Variants in ILDR2 observed in about 807,000 individuals in gnomAD.
The protein encoded by ILDR2 is immunoglobulin like domain containing receptor 2.
Under a neutral mutation model 66.8 loss-of-function variants are expected in ILDR2, and 25 were observed. The observed-to-expected ratio is 0.37, with a 90% CI of 0.27 to 0.52. The LOEUF (loss-of-function observed/expected upper bound fraction) is 0.52, where lower values mean the gene tolerates loss of function less well. ILDR2 is among the 20% of genes least tolerant of loss of function. The pLI, the probability that ILDR2 is intolerant of heterozygous loss-of-function variation, is 0.88. For synonymous variants in ILDR2, 367 were observed against 357.2 expected, an observed-to-expected ratio of 1.03 and a Z score of -0.31; for missense variants, 827 against 876.8, an observed-to-expected ratio of 0.94 and a Z score of 0.72.
At chr1:166,975,153 G>A (rs906542364) in intron 1 of ILDR2, 70 bp downstream of exon 1, 2 of 1,315,170 alleles carry the variant, frequency 1.5e-6, no homozygotes, top group African/African-American at 2.9e-5. Context: ...GGGGGGCGGG[G>A]GGCGCGGTGA....
chr1:166,954,846 C>T (rs550716826), intron 3 of ILDR2, among the ~76,000 whole-genome samples: 1 of 152,316 alleles, frequency 6.6e-6, no homozygotes, highest in Non-Finnish European at 1.5e-5. Context: ...AACACATCCT[C>T]AGATGACAAA....
At chr1:166,953,350 C>G (rs1034466345) in intron 3 of ILDR2, among the ~76,000 whole-genome samples, 6 of 152,218 alleles carry the variant, frequency 3.9e-5, no homozygotes, top group Admixed American at 3.9e-4. Context: ...TAAGATACTT[C>G]ACAATCTTGC....
At chr1:166,948,961 A>G (rs1202822741) in intron 3 of ILDR2, among the ~76,000 whole-genome samples, 1 of 152,178 alleles carries the variant, frequency 6.6e-6, no homozygotes, top group East Asian at 1.9e-4. Context: ...AGCTAAGGAA[A>G]CCCATGCTCA....
intron 6 of ILDR2, among the ~76,000 whole-genome samples, chr1:166,929,774 T>C (rs1660523681): frequency 6.6e-6 from 1 of 152,194 alleles, no homozygotes; most frequent in South Asian, 2.1e-4. Flanking sequence ...AGAAACCATA[T>C]TATAAGAGAC....
chr1:166,933,513 A>G (rs1278086778), intron 6 of ILDR2: 2 of 974,518 alleles, frequency 2.1e-6, no homozygotes, highest in African/African-American at 3.5e-5. Context: ...TTTCTATTTT[A>G]ATGCCACTTC....
intron 9 of ILDR2, 23 bp from the exon 10 acceptor site, chr1:166,919,413 C>A: frequency 6.3e-7 from 1 of 1,597,218 alleles, no homozygotes; most frequent in Non-Finnish European, 8.6e-7. Flanking sequence ...AGAAAGAGCC[C>A]AACATTAAGC....
At chr1:166,971,496 T>G (rs1027600272) in intron 1 of ILDR2, among the ~76,000 whole-genome samples, 3 of 152,196 alleles carry the variant, frequency 2.0e-5, no homozygotes, top group Admixed American at 1.3e-4. Flanking sequence ...GGTCTCACTC[T>G]GTCACCCAGG....
chr1:166,927,387 A>C (rs1044579048), intron 6 of ILDR2, among the ~76,000 whole-genome samples: 3 of 152,238 alleles, frequency 2.0e-5, no homozygotes, highest in Non-Finnish European at 1.5e-5. Context: ...GGAGGACCTA[A>C]AGGTCAACAA....
In ILDR2 at chr1:166,914,407, T is replaced by A. The variant is rs1659566755; in HGVS notation, c.*4948A>T. On this transcript the variant is annotated 3_prime_UTR_variant, in exon 10 of 10. Transcript: ENST00000271417. ...CACCAGACAAGACAGTCAGAAGGCC[T>A]GGCTTTATAATTTTAAAAACCATTT... The A allele has an allele frequency of 6.6e-6, 1 of 152,240 alleles. No individual in the cohort carries two copies. The highest frequency in any genetic ancestry group is 2.1e-4 in the South Asian group (1 of 4,832). 9.4% of individuals were successfully genotyped at this position (152,240 alleles called of 1,614,324 possible).
chr1:166,945,814 A>C (rs902240047), intron 3 of ILDR2, among the ~76,000 whole-genome samples: 1 of 152,220 alleles, frequency 6.6e-6, no homozygotes, highest in Non-Finnish European at 1.5e-5. Flanking sequence ...CTTTAAACTT[A>C]TTAAGTTGGA....
chr1:166,950,196 C>G (rs1188562036), intron 3 of ILDR2, among the ~76,000 whole-genome samples: 2 of 152,146 alleles, frequency 1.3e-5, no homozygotes, highest in Non-Finnish European at 2.9e-5. Context: ...CAGGAGTAAA[C>G]TTTTTCTTCC....
intron 3 of ILDR2, among the ~76,000 whole-genome samples, chr1:166,943,126 T>TCAA (rs1661406244): frequency 6.6e-6 from 1 of 152,188 alleles, no homozygotes; most frequent in Non-Finnish European, 1.5e-5. Flanking sequence ...TCTTCAGAAT[T>TCAA]CAAAACATAG....
Position 166,908,900 on chromosome 1 carries a change from GT to G in ILDR2, c.*10454del, listed in dbSNP as rs1454800573. ...CAAAAGGAAGCCGGAAAGGCTGGTT[GT>G]TCAGGGCTCTGTGGCTGCAGATAAA... On this transcript the variant is annotated 3_prime_UTR_variant, in exon 10 of 10. Transcript: ENST00000271417. The G allele has an allele frequency of 6.6e-6, 1 of 152,268 alleles. No individual in the cohort carries two copies. Among genetic ancestry groups the G allele is most frequent in the Non-Finnish European group, 1.5e-5 (1 of 68,074 alleles). The allele number at this position is 152,268 out of a possible 1,614,324, so 9.4% of individuals were successfully genotyped here.
At chr1:166,897,931 A>C (rs898493055) in intron 2 of ILDR2, among the ~76,000 whole-genome samples, 2 of 152,248 alleles carry the variant, frequency 1.3e-5, no homozygotes, top group Admixed American at 6.5e-5. Flanking sequence ...CAGTTGGTCA[A>C]AAGTGCAGGT....
chr1:166,919,199 C>T lies in ILDR2; in HGVS notation c.*156G>A. ...GCACAGAGGTTTGAAATCAGCCTCCCTTAAAGGCTGCCTGCCATCCCTTGC... is the reference window on the plus strand; with the variant it reads ...GCACAGAGGTTTGAAATCAGCCTCCTTTAAAGGCTGCCTGCCATCCCTTGC... On this transcript the variant is annotated 3_prime_UTR_variant, in exon 10 of 10. Coordinates refer to ENST00000271417, the MANE Select transcript of ILDR2 (RefSeq NM_199351.3). The T allele has an allele frequency of 1.5e-6, 1 of 681,806 alleles. No homozygotes were observed. The allele number at this position is 681,806 out of a possible 1,614,324, so 42.2% of individuals were successfully genotyped here.
chr1:166,902,020 C>T (rs1473816178), intron 2 of ILDR2, among the ~76,000 whole-genome samples: 2 of 152,144 alleles, frequency 1.3e-5, no homozygotes, highest in African/African-American at 4.8e-5. Flanking sequence ...GCCAGCATGC[C>T]CGGCTAATTT....
rs1659607477 is a variant in ILDR2 at position 166,915,470 on chromosome 1, T to C, written c.*3885A>G. 6.6e-6 allele frequency: 1 copy of C among 152,152 alleles called. No individual in the cohort carries two copies. Among genetic ancestry groups the C allele is most frequent in the Non-Finnish European group, 1.5e-5 (1 of 68,024 alleles). The allele number at this position is 152,152 out of a possible 1,614,324, so 9.4% of individuals were successfully genotyped here. A position where few individuals can be genotyped will look rare whatever the true frequency, so the allele number is the denominator to read the frequency against. On this transcript the variant is annotated 3_prime_UTR_variant, in exon 10 of 10. Transcript: ENST00000271417. ...TCTGGCTCTAGACCCACCCAATCAATCTCCAAAACAGGGTCCAACAATACC... is the reference window on the plus strand; with the variant it reads ...TCTGGCTCTAGACCCACCCAATCAACCTCCAAAACAGGGTCCAACAATACC...
chr1:166,968,291 T>C (rs919826587), intron 1 of ILDR2, among the ~76,000 whole-genome samples: 9 of 152,140 alleles, frequency 5.9e-5, no homozygotes, highest in African/African-American at 2.2e-4. Flanking sequence ...CTGCAGATTC[T>C]CCTTCCCCCA....
rs1376796515 is a variant in ILDR2 at position 166,909,645 on chromosome 1, A to T, written c.*9710T>A. On this transcript the variant is annotated 3_prime_UTR_variant, in exon 10 of 10. Coordinates refer to ENST00000271417, the MANE Select transcript of ILDR2 (RefSeq NM_199351.3). ...AGGGTGGGGTTGTATATTAATGTCC[A>T]TTATAATTTAACTACATTCAGTTGA... The T allele has an allele frequency of 1.3e-5, 2 of 150,794 alleles. No individual in the cohort carries two copies. The highest frequency in any genetic ancestry group is 4.9e-5 in the African/African-American group (2 of 40,960). The allele number at this position is 150,794 out of a possible 1,614,324, so 9.3% of individuals were successfully genotyped here.
Sources: gnomAD v4.1 joint callset for allele counts (sites outside exome capture counted in the v4.1 genomes callset) on GRCh38, gnomAD v4.1.1 for gene constraint, MANE v1.5 for transcripts, NCBI Gene and HGNC (gene_info 2026-07-23, HGNC 2026-07-21) for gene names.